The following CEP126 variants were observed in gnomAD, a reference collection of about 807,000 sequenced individuals.
CEP126 encodes centrosomal protein 126.
In CEP126, 74 loss-of-function variants were observed where a neutral mutation model predicts 107.8. That is an observed-to-expected ratio of 0.69 (90% CI 0.57 to 0.83). The LOEUF is 0.83. CEP126 is among the 40% of genes least tolerant of loss of function. CEP126 has a pLI of 0.00. For synonymous variants in CEP126, 449 were observed against 446.0 expected, an observed-to-expected ratio of 1.01 and a Z score of -0.08; for missense variants, 1,237 against 1,281.9, an observed-to-expected ratio of 0.96 and a Z score of 0.53.
intron 10 of CEP126, among the ~76,000 whole-genome samples, chr11:101,996,977 G>A (rs1276116038): frequency 6.6e-6 from 1 of 152,086 alleles, no homozygotes; most frequent in African/African-American, 2.4e-5. Flanking sequence ...TAAATAAAGA[G>A]CTTTAAATGC....
At chr11:101,951,390 T>C (rs1337603434) in intron 4 of CEP126, among the ~76,000 whole-genome samples, 1 of 152,098 alleles carries the variant, frequency 6.6e-6, no homozygotes, top group African/African-American at 2.4e-5. Flanking sequence ...CACACACCTG[T>C]AGCTCTAGCT....
Position 101,915,052 on chromosome 11 carries a change from C to A in CEP126, c.-233C>A. 2.0e-6 allele frequency: 1 copy of A among 501,802 alleles called. No individual in the cohort carries two copies. The highest frequency in any genetic ancestry group is 3.5e-6 in the Non-Finnish European group (1 of 289,706). The allele number at this position is 501,802 out of a possible 1,614,324, so 31.1% of individuals were successfully genotyped here. On this transcript the variant is annotated 5_prime_UTR_variant, in exon 1 of 11. Coordinates refer to ENST00000263468, the MANE Select transcript of CEP126 (RefSeq NM_020802.4). ...CAAGATGGCGGCTGCAGGGTTGCTG[C>A]CGCCCCATCTGCTATTGCCCGGCGA...
intron 9 of CEP126, among the ~76,000 whole-genome samples, chr11:101,989,617 A>G (rs1181925895): frequency 1.3e-5 from 2 of 152,212 alleles, no homozygotes; most frequent in East Asian, 1.9e-4. Flanking sequence ...TCTTGAGCCA[A>G]TTAGAGAGCT....
chr11:101,918,377 G>A (rs932117263), intron 1 of CEP126, among the ~76,000 whole-genome samples: 2 of 152,192 alleles, frequency 1.3e-5, no homozygotes, highest in Non-Finnish European at 2.9e-5. Context: ...GAGACTGCGA[G>A]GTGGAGGTTG....
Position 101,922,678 on chromosome 11 carries a change from G to C in CEP126, c.166G>C (p.Glu56Gln). The C allele has an allele frequency of 6.2e-7, 1 of 1,608,186 alleles. No individual in the cohort carries two copies. The highest frequency in any genetic ancestry group is 8.5e-7 in the Non-Finnish European group (1 of 1,174,904). ...CCATCTGGAGAAAAATTTAGAAGAAGAGCGCCAGATATTACTGCAGCAACA... is the reference window on the plus strand; with the variant it reads ...CCATCTGGAGAAAAATTTAGAAGAACAGCGCCAGATATTACTGCAGCAACA... The part of the protein sequence containing the change: ...KIHLEKNLEE[E>Q]RQILLQQQKI... Residue 56 changes from glutamate to glutamine, a missense_variant, in exon 2 of 11, where the codon GAG becomes CAG. This residue lies in a region of CEP126 where 1,134 missense variants were observed against 1,150.5 expected (regional missense o/e 0.99). Transcript: ENST00000263468.
intron 2 of CEP126, among the ~76,000 whole-genome samples, chr11:101,941,547 A>G (rs1251052165): frequency 6.6e-6 from 1 of 152,198 alleles, no homozygotes; most frequent in South Asian, 2.1e-4. Flanking sequence ...TCATCCATTT[A>G]TGAACAGTTG....
At chr11:101,918,625 G>T (rs1444346466) in intron 1 of CEP126, among the ~76,000 whole-genome samples, 1 of 152,094 alleles carries the variant, frequency 6.6e-6, no homozygotes, top group East Asian at 1.9e-4. Context: ...TTTCTATAAT[G>T]CACTAAAAGA....
In CEP126 at chr11:101,940,428, T is replaced by C. The variant is rs915658662; in HGVS notation, c.249-3837T>C. 2.6e-5 allele frequency among the ~76,000 whole-genome samples: 4 copies of C among 152,212 alleles called. 1 individual carries two copies. In the South Asian group the frequency reaches 8.3e-4, roughly 31 times the overall value. Reference sequence around the variant, plus strand: ...TTTCTCCCCATCTCTACTAAATAAATGTTAACTGGTTTTTAAAATACTGAC... The same window carrying C: ...TTTCTCCCCATCTCTACTAAATAAACGTTAACTGGTTTTTAAAATACTGAC... On this transcript the variant is annotated intron_variant, in intron 2 of 10. Transcript: ENST00000263468.
intron 1 of CEP126, among the ~76,000 whole-genome samples, chr11:101,918,727 A>G (rs1456482577): frequency 6.6e-6 from 1 of 152,186 alleles, no homozygotes; most frequent in Non-Finnish European, 1.5e-5. Context: ...AATCATTACT[A>G]TATTCTAAGA....
chr11:101,990,143 G>A (rs1941361010), intron 9 of CEP126, among the ~76,000 whole-genome samples: 1 of 151,672 alleles, frequency 6.6e-6, no homozygotes, highest in Non-Finnish European at 1.5e-5. Context: ...AGAACCACTG[G>A]GAGCCATAGG....
intron 1 of CEP126, among the ~76,000 whole-genome samples, chr11:101,918,391 T>G (rs11225062): frequency 0.059 from 9,008 of 152,176 alleles, 489 homozygotes; most frequent in East Asian, 0.27. Flanking sequence ...GAGGTTGCAG[T>G]GAGCCGAGAT....
chr11:101,938,246 T>A (rs959701214), intron 2 of CEP126, among the ~76,000 whole-genome samples: 1 of 151,402 alleles, frequency 6.6e-6, no homozygotes, highest in African/African-American at 2.4e-5. Flanking sequence ...AATATTCTCC[T>A]ATTATTTTTT....
chr11:101,956,845 T>C (rs1940905954), intron 4 of CEP126: 4 of 391,904 alleles, frequency 1.0e-5, no homozygotes, highest in South Asian at 7.9e-5. Context: ...ACCCCTTCAA[T>C]CCTCCTCATT....
rs1164527466 is a variant in CEP126 at position 101,922,770 on chromosome 11, T to G, written c.248+10T>G. 1 of 1,604,516 alleles carries G rather than the reference T, an allele frequency of 6.2e-7. No homozygotes were observed. Among genetic ancestry groups the G allele is most frequent in the South Asian group, 1.1e-5 (1 of 90,672 alleles). ...CAAATCGGAGAAAAAAGTAAGTAAT[T>G]GCACTTTATTCAGAAGTATAGAAAT... On this transcript the variant is annotated intron_variant, in intron 2 of 10. Coordinates refer to ENST00000263468, the MANE Select transcript of CEP126 (RefSeq NM_020802.4).
rs761053739 is a variant in CEP126 at position 101,922,645 on chromosome 11, A to G, written c.133A>G (p.Met45Val). ...TTAACTTAATGCTATCATTAGAGAT[A>G]TGAAAATCCATCTGGAGAAAAATTT... The part of the protein sequence containing the change: ...GHHRPGSYLD[M>V]KIHLEKNLEE... Residue 45 changes from methionine (M) to valine (V), a missense_variant, in exon 2 of 11, where the codon ATG becomes GTG. Physicochemically the swap from Met to Val is conservative, Grantham distance 21. This residue lies in a region of CEP126 where 1,134 missense variants were observed against 1,150.5 expected (regional missense o/e 0.99). Transcript: ENST00000263468. 4.4e-6 allele frequency: 7 copies of G among 1,602,942 alleles called. No individual in the cohort carries two copies. The highest frequency in any genetic ancestry group is 1.3e-5 in the African/African-American group (1 of 74,672).
chr11:101,956,306 T>G (rs1347227406), intron 4 of CEP126: 15 of 456,270 alleles, frequency 3.3e-5, no homozygotes, highest in Middle Eastern at 3.2e-4. Flanking sequence ...TCTCCCTGTT[T>G]TGAAGCCTTC....
At chr11:101,915,650 T>A (rs1276027675) in intron 1 of CEP126, among the ~76,000 whole-genome samples, 3 of 152,214 alleles carry the variant, frequency 2.0e-5, no homozygotes, top group Non-Finnish European at 4.4e-5. Context: ...TTCTTCAACT[T>A]TGTAAAATTT....
At chr11:101,967,032 T>TC (rs1423321596) in intron 6 of CEP126, among the ~76,000 whole-genome samples, 2 of 147,740 alleles carry the variant, frequency 1.4e-5, no homozygotes, top group African/African-American at 2.5e-5. Flanking sequence ...TTTCTTTTTT[T>TC]TTTTTTTTTT....
intron 7 of CEP126, among the ~76,000 whole-genome samples, chr11:101,980,146 A>T (rs1470195): frequency 6.6e-6 from 1 of 151,816 alleles, no homozygotes; most frequent in Non-Finnish European, 1.5e-5. Flanking sequence ...AAAGTTAATC[A>T]CATTACCCAT....
Sources: allele counts gnomAD v4.1 joint callset (sites outside exome capture counted in the v4.1 genomes callset), GRCh38; gene constraint gnomAD v4.1.1; regional missense constraint gnomAD v4.1.1; transcripts MANE v1.5; gene names NCBI Gene and HGNC (gene_info 2026-07-23, HGNC 2026-07-21).